TENT5D: variants seen among roughly 807,000 people sequenced by gnomAD.
TENT5D encodes the protein terminal nucleotidyltransferase 5D.
For missense variants in TENT5D, 191 were observed against 287.0 expected (o/e 0.67, Z 2.42); for synonymous variants, 103 against 100.6 (o/e 1.02, Z -0.15).
chrX:80,383,097 C>T (rs1485265522), intron 3 of TENT5D, among the ~76,000 whole-genome samples: 2 of 112,374 alleles, frequency 1.8e-5, no homozygotes, highest in African/African-American at 6.5e-5. Flanking sequence ...GAGCTACAGA[C>T]TGGAGCTGTT....
chrX:80,382,707 C>CG (rs1398872760), intron 3 of TENT5D, among the ~76,000 whole-genome samples: 1 of 109,079 alleles, frequency 9.2e-6, no homozygotes, highest in East Asian at 3.0e-4. Context: ...GGCGGACGCC[C>CG]CCCCCCCACT....
chrX:80,406,009 G>C (rs750902922), intron 3 of TENT5D, among the ~76,000 whole-genome samples: 22 of 108,383 alleles, frequency 2.0e-4, no homozygotes, highest in Admixed American at 1.9e-3. Context: ...TCACACGGCA[G>C]GGTATTCCAA....
chrX:80,444,597 A>C (rs1290155127), exon 3 of TENT5D: 1 of 122,564 alleles, frequency 8.2e-6, no homozygotes, highest in Non-Finnish European at 1.9e-5. Flanking sequence ...AGCATTTACC[A>C]TTTTATGGCT....
At chrX:80,416,261 ATT>A (rs57550532), upstream of TENT5D, among the ~76,000 whole-genome samples, 6 of 61,422 alleles carry the variant, frequency 9.8e-5, no homozygotes, top group Non-Finnish European at 1.6e-4. Context: ...GATATTTTGA[ATT>A]TTTTTTTTTT....
At chrX:80,395,193 A>C (rs886413338) in intron 3 of TENT5D, among the ~76,000 whole-genome samples, 1 of 112,118 alleles carries the variant, frequency 8.9e-6, no homozygotes, top group African/African-American at 3.2e-5. Context: ...GCAAATGACA[A>C]GTTTCATTTG....
intron 3 of TENT5D, among the ~76,000 whole-genome samples, chrX:80,377,847 C>A (rs1382644285): frequency 8.9e-6 from 1 of 111,914 alleles, no homozygotes; most frequent in African/African-American, 3.3e-5. Context: ...TTTACACTCC[C>A]ACCAACAGTG....
At chrX:80,358,920 A>C (rs1339664207) in intron 3 of TENT5D, among the ~76,000 whole-genome samples, 1 of 112,092 alleles carries the variant, frequency 8.9e-6, no homozygotes, top group Non-Finnish European at 1.9e-5. Flanking sequence ...AGATTTGGAT[A>C]GGTCAAGGGA....
chrX:80,365,360 G>C (rs1346089035), intron 3 of TENT5D, among the ~76,000 whole-genome samples: 4 of 111,316 alleles, frequency 3.6e-5, no homozygotes, highest in Admixed American at 9.6e-5. Flanking sequence ...ATTGTTTATG[G>C]AAAGTCACCT....
At chrX:80,372,180 A>T (rs1046180417) in intron 3 of TENT5D, among the ~76,000 whole-genome samples, 26 of 111,347 alleles carry the variant, frequency 2.3e-4, no homozygotes, top group African/African-American at 8.5e-4. Flanking sequence ...GTGTAAATTA[A>T]GTATGGTTTA....
At chrX:80,347,155 T>G (rs1930081125) in intron 3 of TENT5D, among the ~76,000 whole-genome samples, 1 of 111,827 alleles carries the variant, frequency 8.9e-6, no homozygotes, top group South Asian at 3.8e-4. Context: ...CATGTTTCTT[T>G]ATAGTAGAAT....
At chrX:80,440,126 A>C (rs927674262) in intron 2 of TENT5D, among the ~76,000 whole-genome samples, 2 of 111,886 alleles carry the variant, frequency 1.8e-5, no homozygotes, top group African/African-American at 6.5e-5. Flanking sequence ...ATTATGAAAT[A>C]CTAGGCCTAA....
intron 3 of TENT5D, among the ~76,000 whole-genome samples, chrX:80,380,904 C>A (rs775351771): frequency 9.0e-6 from 1 of 111,574 alleles, no homozygotes; most frequent in African/African-American, 3.3e-5. Flanking sequence ...GGTCTTGAAT[C>A]TTTATCCAAT....
At chrX:80,378,207 GTTTC>G (rs1930774308) in intron 3 of TENT5D, among the ~76,000 whole-genome samples, 1 of 111,725 alleles carries the variant, frequency 9.0e-6, no homozygotes, top group Non-Finnish European at 1.9e-5. Context: ...TCTGATGGCA[GTTTC>G]TTTTGTTGTA....
At chrX:80,404,609 G>A (rs1372345058) in intron 3 of TENT5D, among the ~76,000 whole-genome samples, 4 of 111,747 alleles carry the variant, frequency 3.6e-5, no homozygotes, top group Admixed American at 2.9e-4. Context: ...AATAGTTTCT[G>A]GGCCTTGAGG....
At chrX:80,430,232 A>G (rs66870138) in intron 1 of TENT5D, among the ~76,000 whole-genome samples, 11,906 of 111,050 alleles carry the variant, frequency 0.11, 687 homozygotes, top group African/African-American at 0.22. Flanking sequence ...CTTGCCTAGG[A>G]CACCCTTTAT....
intron 3 of TENT5D, among the ~76,000 whole-genome samples, chrX:80,361,573 A>G (rs1047864580): frequency 8.9e-6 from 1 of 111,733 alleles, no homozygotes; most frequent in African/African-American, 3.2e-5. Flanking sequence ...ACTTTAGTAC[A>G]TATGTGGAAT....
chrX:80,348,298 A>G (rs1930107998), intron 3 of TENT5D, among the ~76,000 whole-genome samples: 1 of 111,868 alleles, frequency 8.9e-6, no homozygotes, highest in African/African-American at 3.3e-5. Flanking sequence ...CCTATCCATG[A>G]GCATGGAATG....
At chrX:80,408,804 A>G (rs1931565164) in intron 3 of TENT5D, among the ~76,000 whole-genome samples, 1 of 111,192 alleles carries the variant, frequency 9.0e-6, no homozygotes, top group Admixed American at 9.6e-5. Context: ...AAAAAAGAGA[A>G]TTTTAGATCA....
intron 3 of TENT5D, among the ~76,000 whole-genome samples, chrX:80,411,253 AAG>A (rs1378878221): frequency 1.1e-4 from 12 of 111,420 alleles, no homozygotes; most frequent in African/African-American, 3.6e-4. Context: ...ATAAAAAAAA[AAG>A]AAAGAAAATT....
Sources: allele counts gnomAD v4.1 joint callset (sites outside exome capture counted in the v4.1 genomes callset), GRCh38; gene constraint gnomAD v4.1.1; transcripts MANE v1.5; gene names NCBI Gene and HGNC (gene_info 2026-07-23, HGNC 2026-07-21).